Variants in CD276 observed in about 807,000 individuals in gnomAD.
The protein encoded by CD276 is CD276 molecule.
A neutral mutation model predicts 50.0 loss-of-function variants in CD276; 34 were observed. The ratio of observed to expected loss-of-function variants is 0.68; its 90% CI spans 0.52 to 0.91. CD276 has a LOEUF of 0.91. CD276 is among the 40% of genes least tolerant of loss of function. CD276 has a pLI of 0.00. For synonymous variants in CD276, 275 were observed against 313.0 expected (o/e 0.88, Z 1.28); for missense variants, 634 against 717.5 (o/e 0.88, Z 1.33).
chr15:73,702,844 C>T lies in CD276; in HGVS notation c.491C>T (p.Thr164Met), dbSNP rs561421890. The T allele has an allele frequency of 8.7e-6, 14 of 1,614,152 alleles. No individual in the cohort carries two copies. Among genetic ancestry groups the T allele is most frequent in the South Asian group, 3.3e-5 (3 of 91,086 alleles). Residue 164 changes from threonine (T) to methionine (M), a missense_variant, in exon 4 of 10, where the codon ACG becomes ATG. By Grantham distance (81) the Thr-to-Met change is moderately conservative (BLOSUM62 -1). Transcript: ENST00000318443. ...DLRPGDTVTI[T>M]CSSYQGYPEA... Reference sequence around the variant, plus strand: ...CGGCCAGGGGACACGGTGACCATCACGTGCTCCAGCTACCAGGGCTACCCT... The same window carrying T: ...CGGCCAGGGGACACGGTGACCATCATGTGCTCCAGCTACCAGGGCTACCCT...
At chr15:73,712,802 C>A in intron 9 of CD276, 132 bp from the exon 10 acceptor site, 1 of 913,856 alleles carries the variant, frequency 1.1e-6, no homozygotes, top group Non-Finnish European at 1.7e-6. Context: ...GTCCGTTGGG[C>A]TGCTGTCTCA....
intron 1 of CD276, among the ~76,000 whole-genome samples, chr15:73,688,435 G>C (rs1467648932): frequency 6.6e-6 from 1 of 152,144 alleles, no homozygotes; most frequent in African/African-American, 2.4e-5. Context: ...TTGGAATTGG[G>C]TCTCAAATAG....
chr15:73,703,607 C>A, intron 4 of CD276, 52 bp from the exon 5 acceptor site: 1 of 1,425,630 alleles, frequency 7.0e-7, no homozygotes, highest in Non-Finnish European at 9.5e-7. Context: ...GGGTGGTAGC[C>A]TAGAGAGTCC....
rs1900442125 is a variant in CD276, at chr15:73,702,528, G to C, written c.353G>C (p.Gly118Ala). Reference sequence around the variant, plus strand: ...CAGCGCGTGCGTGTGGCGGACGAGGGCAGCTTCACCTGCTTCGTGAGCATC... The same window carrying C: ...CAGCGCGTGCGTGTGGCGGACGAGGCCAGCTTCACCTGCTTCGTGAGCATC... ...RLQRVRVADE[G>A]SFTCFVSIRD... The change falls in exon 3 of 10, where the codon GGC (glycine) becomes GCC (alanine). Residue 118 changes from glycine (G) to alanine (A), a missense_variant. Coordinates refer to ENST00000318443, the MANE Select transcript of CD276 (RefSeq NM_001024736.2). 6.2e-7 allele frequency: 1 copy of C among 1,612,516 alleles called. No homozygotes were observed. The highest frequency in any genetic ancestry group is 1.3e-5 in the African/African-American group (1 of 74,920).
intron 6 of CD276, among the ~76,000 whole-genome samples, chr15:73,707,808 T>C (rs1051148517): frequency 2.6e-5 from 4 of 152,196 alleles, no homozygotes; most frequent in Non-Finnish European, 4.4e-5. Context: ...GAATGGGAGA[T>C]GTCACCAGGT....
intron 1 of CD276, among the ~76,000 whole-genome samples, chr15:73,698,615 C>T (rs1419708232): frequency 6.6e-6 from 1 of 152,128 alleles, no homozygotes; most frequent in African/African-American, 2.4e-5. Flanking sequence ...GTCTGGAGTG[C>T]AGTGGTGCAA....
chr15:73,709,471 A>T, intron 7 of CD276, 177 bp from the exon 8 acceptor site: 1 of 634,612 alleles, frequency 1.6e-6, no homozygotes, highest in Non-Finnish European at 2.8e-6. Flanking sequence ...ATGTTGTCAC[A>T]GGCTCGGCTC....
chr15:73,703,853 C>G lies in CD276; in HGVS notation c.928C>G (p.Arg310Gly). The G allele has an allele frequency of 6.2e-7, 1 of 1,613,678 alleles. No individual in the cohort carries two copies. Among genetic ancestry groups the G allele is most frequent in the Admixed American group, 1.7e-5 (1 of 60,030 alleles). ...GGACCAGGGCAGCGCCTATGCCAACCGCACGGCCCTCTTCCCGGACCTGCT... is the reference window on the plus strand; with the variant it reads ...GGACCAGGGCAGCGCCTATGCCAACGGCACGGCCCTCTTCCCGGACCTGCT... ...GRDQGSAYAN[R>G]TALFPDLLAQ... Residue 310 changes from arginine (R) to glycine (G), a missense_variant, in exon 5 of 10, where the codon CGC becomes GGC. Arg to Gly is a moderately radical substitution (Grantham distance 125). Coordinates refer to ENST00000318443, the MANE Select transcript of CD276 (RefSeq NM_001024736.2).
intron 1 of CD276, among the ~76,000 whole-genome samples, chr15:73,691,480 C>T (rs1388629654): frequency 6.6e-6 from 1 of 152,188 alleles, no homozygotes; most frequent in African/African-American, 2.4e-5. Flanking sequence ...CAGCAAGGCT[C>T]TGGGGAAGTC....
chr15:73,688,626 T>C (rs996665056), intron 1 of CD276, among the ~76,000 whole-genome samples: 4 of 152,148 alleles, frequency 2.6e-5, no homozygotes, highest in African/African-American at 9.7e-5. Context: ...CTTCTGCTGG[T>C]GGCTGATAAT....
rs1250281453 is a variant in CD276, at chr15:73,687,717, C to T, written c.-55+3257C>T. ...CTGCCCCCTTTCTCCCTTTCTTTCT[C>T]TTTGTGGTCCAGAGAATGAATGCCT... On this transcript the variant is annotated intron_variant, in intron 1 of 9. Transcript: ENST00000318443. This position sits in a 1 kb window ranked among gnomAD's most constrained non-coding sequence, Gnocchi z 4.0. Among the ~76,000 whole-genome samples the T allele has an allele frequency of 6.6e-6, 1 of 152,208 alleles. No individual in the cohort carries two copies. Among genetic ancestry groups the T allele is most frequent in the Non-Finnish European group, 1.5e-5 (1 of 68,040 alleles).
At chr15:73,699,410 T>C (rs1900290799) in intron 1 of CD276, among the ~76,000 whole-genome samples, 176 bp from the exon 2 acceptor site, 1 of 152,182 alleles carries the variant, frequency 6.6e-6, no homozygotes, top group Non-Finnish European at 1.5e-5. Flanking sequence ...CCCCAGGGAC[T>C]CCCTGCCAAG....
At chr15:73,693,662 GA>G (rs1287231924) in intron 1 of CD276, among the ~76,000 whole-genome samples, 1 of 152,168 alleles carries the variant, frequency 6.6e-6, no homozygotes, top group Non-Finnish European at 1.5e-5. Flanking sequence ...GCTCAATGGT[GA>G]CTTCGTCAAG....
Position 73,704,268 on chromosome 15 carries a change from T to A in CD276, c.1165T>A (p.Tyr389Asn), listed in dbSNP as rs758384094. The change falls in exon 6 of 10, where the codon TAC (tyrosine) becomes AAC (asparagine). Residue 389 changes from tyrosine to asparagine, a missense_variant. Tyr to Asn is a moderately radical substitution (Grantham distance 143). Transcript: ENST00000318443. The surrounding 1 kb of genome is among the most constrained non-coding windows in gnomAD (Gnocchi z 4.1). ...VTITCSSYRG[Y>N]PEAEVFWQDG... is the part of the protein sequence containing the mutation. ...CATCACGTGCTCCAGCTACCGGGGCTACCCTGAGGCTGAGGTGTTCTGGCA... is the reference window on the plus strand; with the variant it reads ...CATCACGTGCTCCAGCTACCGGGGCAACCCTGAGGCTGAGGTGTTCTGGCA... 3 of 1,614,134 alleles carry A rather than the reference T, an allele frequency of 1.9e-6. No homozygotes were observed. The highest frequency in any genetic ancestry group is 2.5e-6 in the Non-Finnish European group (3 of 1,180,028).
chr15:73,706,111 G>A (rs1053736002), intron 6 of CD276, among the ~76,000 whole-genome samples: 1 of 152,112 alleles, frequency 6.6e-6, no homozygotes, highest in Admixed American at 6.5e-5. Flanking sequence ...TTAGCTGGGC[G>A]TGGTGGCATG....
intron 7 of CD276, among the ~76,000 whole-genome samples, chr15:73,709,067 GAGAGGGAAGA>G (rs1192475641): frequency 1.3e-5 from 2 of 152,198 alleles, no homozygotes; most frequent in Non-Finnish European, 2.9e-5. Context: ...GGTTGGGAAG[GAGAGGGAAGA>G]AGAGTGGTCA....
Position 73,704,738 on chromosome 15 carries a change from C to G in CD276, c.1369+266C>G, listed in dbSNP as rs1157657415. On this transcript the variant is annotated intron_variant, in intron 6 of 9. Coordinates refer to ENST00000318443, the MANE Select transcript of CD276 (RefSeq NM_001024736.2). This position sits in a 1 kb window ranked among gnomAD's most constrained non-coding sequence, Gnocchi z 4.1. ...AAGGTACCTGCCCGAAATTTGGAGG[C>G]ATGGGCAGGAATTCTGGGGCAGCCA... is the stretch of plus-strand genomic sequence containing the variant. Among the ~76,000 whole-genome samples, 1 of 152,186 alleles carries G rather than the reference C, an allele frequency of 6.6e-6. No individual in the cohort carries two copies. The highest frequency in any genetic ancestry group is 2.4e-5 in the African/African-American group (1 of 41,456).
chr15:73,694,034 G>A (rs1482102898), intron 1 of CD276, among the ~76,000 whole-genome samples: 2 of 152,146 alleles, frequency 1.3e-5, no homozygotes, highest in African/African-American at 4.8e-5. Flanking sequence ...ACCACTGCAC[G>A]AATGACTGCC....
chr15:73,706,395 G>A (rs921872223), intron 6 of CD276, among the ~76,000 whole-genome samples: 6 of 152,200 alleles, frequency 3.9e-5, no homozygotes, highest in African/African-American at 1.4e-4. Flanking sequence ...ATCTTTGGGG[G>A]TCAGACCCTT....
Sources: gnomAD v4.1 joint callset for allele counts (sites outside exome capture counted in the v4.1 genomes callset) on GRCh38, gnomAD v4.1.1 for gene constraint, Gnocchi (gnomAD v3.1) non-coding constraint, MANE v1.5 for transcripts, NCBI Gene and HGNC (gene_info 2026-07-23, HGNC 2026-07-21) for gene names.